Variants in AGL observed in about 807,000 individuals in gnomAD.
AGL encodes the protein amylo-alpha-1,6-glucosidase and 4-alpha-glucanotransferase.
AGL carries 128 observed loss-of-function variants against 199.3 expected under a neutral mutation model. The observed-to-expected ratio is 0.64, with a 90% CI of 0.56 to 0.74. The LOEUF (loss-of-function observed/expected upper bound fraction) is 0.74. Ranked by LOEUF, AGL falls within the 30% of genes least tolerant of loss-of-function variation. The pLI, the probability that AGL is intolerant of heterozygous loss-of-function variation, is 0.00. For synonymous variants in AGL, 584 were observed against 594.7 expected, an observed-to-expected ratio of 0.98 and a Z score of 0.26; for missense variants, 1,809 against 1,820.8, an observed-to-expected ratio of 0.99 and a Z score of 0.12.
rs1648855268 is a variant in AGL, at chr1:99,850,410, C to T, written c.-74C>T. The T allele has an allele frequency of 6.5e-6, 1 of 152,926 alleles. No homozygotes were observed. The highest frequency in any genetic ancestry group is 2.4e-5 in the African/African-American group (1 of 41,482). The allele number at this position is 152,926 out of a possible 1,614,324, so 9.5% of individuals were successfully genotyped here. The stretch of plus-strand genomic sequence containing the variant: ...CCCCAGAAGCCGCACGTATAACTCC[C>T]TCGGCGTAAGTGCTAGGAATGCCGC... On this transcript the variant is annotated 5_prime_UTR_variant, in exon 1 of 34. Transcript: ENST00000361915.
At chr1:99,884,811 G>C (rs983113006) in intron 20 of AGL, 108 bp downstream of exon 20, 16 of 1,377,752 alleles carry the variant, frequency 1.2e-5, no homozygotes, top group Non-Finnish European at 1.5e-5. Flanking sequence ...CTCAAAGTAC[G>C]GTCCAAGGAC....
At chr1:99,887,644 C>CGA (rs1202331313) in intron 20 of AGL, among the ~76,000 whole-genome samples, 1 of 152,008 alleles carries the variant, frequency 6.6e-6, no homozygotes, top group Admixed American at 6.6e-5. Context: ...AAGGAAAACA[C>CGA]TAAGTCCAAA....
intron 7 of AGL, among the ~76,000 whole-genome samples, chr1:99,871,422 C>T (rs373034163): frequency 8.9e-6 from 1 of 112,742 alleles, no homozygotes; most frequent in Non-Finnish European, 1.9e-5. Context: ...CCCCCCCCCC[C>T]CAACAAAATA....
At chr1:99,880,176 A>G in intron 13 of AGL, 130 bp downstream of exon 13, 8 of 1,367,430 alleles carry the variant, frequency 5.9e-6, no homozygotes, top group Middle Eastern at 3.6e-4. Flanking sequence ...AATACTTTGT[A>G]TGACATATTC....
rs769025250 is a variant in AGL at position 99,912,462 on chromosome 1, G to A, written c.3894G>A (p.Leu1298=). The A allele has an allele frequency of 1.2e-6, 2 of 1,613,736 alleles. No individual in the cohort carries two copies. The highest frequency in any genetic ancestry group is 2.7e-5 in the African/African-American group (2 of 74,838). ...GTAAATCTGCTGTTCGCTGGTTGCT[G>A]GAATTATCCAAAAAAAATATTTTCC... is the stretch of plus-strand genomic sequence containing the variant. The part of the protein sequence containing the change: ...GLSKSAVRWL[L]ELSKKNIFPY... The change falls in exon 29 of 34, where the codon CTG becomes CTA. Residue 1298 remains leucine (L), a synonymous_variant. Coordinates refer to ENST00000361915, the MANE Select transcript of AGL (RefSeq NM_000642.3).
chr1:99,885,172 CTTAGTTA>C (rs1652360461), intron 20 of AGL, among the ~76,000 whole-genome samples: 1 of 152,012 alleles, frequency 6.6e-6, no homozygotes, highest in South Asian at 2.1e-4. Context: ...TACATGAATC[CTTAGTTA>C]TTCCCTTTCT....
intron 27 of AGL, among the ~76,000 whole-genome samples, chr1:99,905,638 C>T (rs1399221209): frequency 3.3e-5 from 5 of 152,266 alleles, no homozygotes; most frequent in African/African-American, 1.2e-4. Flanking sequence ...GGCAGTGGTG[C>T]ATCATAGCTC....
chr1:99,897,542 A>G (rs1570475108), intron 25 of AGL, among the ~76,000 whole-genome samples: 1 of 152,228 alleles, frequency 6.6e-6, no homozygotes, highest in African/African-American at 2.4e-5. Context: ...GGCATCTGAA[A>G]TGAATTGCAT....
intron 5 of AGL, among the ~76,000 whole-genome samples, chr1:99,867,989 C>T (rs187542253): frequency 1.3e-5 from 2 of 152,302 alleles, no homozygotes; most frequent in African/African-American, 2.4e-5. Context: ...AAGACTCTTG[C>T]TGTTCTTATC....
At position 99,884,112 on chromosome 1, in the gene AGL, A is replaced by G. The variant is rs1479026743; in HGVS notation, c.2309-8A>G. ...AAATTTTGTTAAAATGTTTTTATGTATTCCTAGGCAAAATTGAAGAAGTAG... is the reference window on the plus strand; with the variant it reads ...AAATTTTGTTAAAATGTTTTTATGTGTTCCTAGGCAAAATTGAAGAAGTAG... On this transcript the variant is annotated splice_polypyrimidine_tract_variant and splice_region_variant and intron_variant, in intron 17 of 33. Coordinates refer to ENST00000361915, the MANE Select transcript of AGL (RefSeq NM_000642.3). 10 of 1,608,570 alleles carry G rather than the reference A, an allele frequency of 6.2e-6. No homozygotes were observed. The highest frequency in any genetic ancestry group is 1.3e-5 in the African/African-American group (1 of 74,794).
At chr1:99,900,982 C>A in intron 26 of AGL, 121 bp downstream of exon 26, 2 of 980,120 alleles carry the variant, frequency 2.0e-6, no homozygotes, top group Non-Finnish European at 1.5e-6. Context: ...ATTCAAATGT[C>A]AGTATTGATT....
intron 2 of AGL, among the ~76,000 whole-genome samples, chr1:99,859,213 CAGTCACTA>C (rs1649820693): frequency 6.6e-6 from 1 of 152,152 alleles, no homozygotes; most frequent in Non-Finnish European, 1.5e-5. Flanking sequence ...TTATGCTTCT[CAGTCACTA>C]AGTATTTTAC....
chr1:99,853,469 TA>T (rs1649142972), intron 2 of AGL, among the ~76,000 whole-genome samples: 1 of 152,270 alleles, frequency 6.6e-6, no homozygotes, highest in African/African-American at 2.4e-5. Context: ...AGTCTTTCCC[TA>T]ATTTTTCACT....
At chr1:99,857,322 C>A (rs1337663110) in intron 2 of AGL, among the ~76,000 whole-genome samples, 2 of 151,242 alleles carry the variant, frequency 1.3e-5, no homozygotes, top group Non-Finnish European at 3.0e-5. Flanking sequence ...CTCCTCACTT[C>A]CCAGACTGGG....
At chr1:99,886,984 A>G (rs1652502789) in intron 20 of AGL, among the ~76,000 whole-genome samples, 1 of 152,322 alleles carries the variant, frequency 6.6e-6, no homozygotes, top group East Asian at 1.9e-4. Context: ...ATTTTTAGGC[A>G]AGGAGTCCAC....
At position 99,881,147 on chromosome 1, in the gene AGL, A is replaced by G. The variant is rs767863471; in HGVS notation, c.1971A>G (p.Thr657=). 1.2e-5 allele frequency: 19 copies of G among 1,614,046 alleles called. No individual in the cohort carries two copies. The South Asian group carries it at 1.5e-4, about 13-fold the overall frequency. Reference sequence around the variant, plus strand: ...TGGCATGTTGTGCTAGTGGAAGTACAAGAGGCTATGATGAATTAGTGCCTC... The same window carrying G: ...TGGCATGTTGTGCTAGTGGAAGTACGAGAGGCTATGATGAATTAGTGCCTC... ...VSMACCASGS[T]RGYDELVPHQ... The change falls in exon 15 of 34, where the codon ACA becomes ACG. Residue 657 remains threonine, a synonymous_variant. Coordinates refer to ENST00000361915, the MANE Select transcript of AGL (RefSeq NM_000642.3).
intron 12 of AGL, among the ~76,000 whole-genome samples, chr1:99,878,644 A>G (rs1486508011): frequency 1.3e-5 from 2 of 151,970 alleles, no homozygotes; most frequent in Non-Finnish European, 1.5e-5. Context: ...GATTTTTGAT[A>G]CCTTACTAGT....
intron 23 of AGL, among the ~76,000 whole-genome samples, chr1:99,892,038 ATG>A (rs1469147088): frequency 2.0e-5 from 3 of 152,156 alleles, no homozygotes; most frequent in Non-Finnish European, 4.4e-5. Context: ...TGAAATCTAC[ATG>A]TACAATTTTT....
In AGL at chr1:99,875,165, C is replaced by T. The variant is rs369462523; in HGVS notation, c.1094C>T (p.Ala365Val). 6.2e-7 allele frequency: 1 copy of T among 1,613,722 alleles called. No homozygotes were observed. The highest frequency in any genetic ancestry group is 1.3e-5 in the African/African-American group (1 of 74,920). ...TCCATCTGCTCTAGCAAGGGGCCAG[C>T]AGCAATTGAAGAATGCTGTAATTGG... Reference protein sequence around the residue: ...TTFIPHDKGPAAIEECCNWFH... With the variant: ...TTFIPHDKGPVAIEECCNWFH... The change falls in exon 9 of 34, where the codon GCA becomes GTA. Residue 365 changes from alanine (A) to valine (V), a missense_variant. Transcript: ENST00000361915.
Sources: allele counts gnomAD v4.1 joint callset (sites outside exome capture counted in the v4.1 genomes callset), GRCh38; gene constraint gnomAD v4.1.1; transcripts MANE v1.5; gene names NCBI Gene and HGNC (gene_info 2026-07-23, HGNC 2026-07-21).